The following ADGRB2 variants were observed in gnomAD, a reference collection of about 807,000 sequenced individuals.
The protein encoded by ADGRB2 is brain-specific angiogenesis inhibitor 2.
A neutral mutation model predicts 178.7 loss-of-function variants in ADGRB2; 47 were observed. The observed-to-expected ratio is 0.26, with a 90% confidence interval of 0.21 to 0.34. The LOEUF (loss-of-function observed/expected upper bound fraction) is 0.34. Among genes scored for constraint, ADGRB2 ranks in the 10% least tolerant of loss-of-function variants. ADGRB2 has a pLI of 1.00. For synonymous variants in ADGRB2, 870 were observed against 912.4 expected (o/e 0.95, Z 0.84); for missense variants, 1,584 against 2,180.8 (o/e 0.73, Z 5.45).
chr1:31,727,962 G>A lies in ADGRB2; in HGVS notation c.4572+63C>T, dbSNP rs1296781130. 6.7e-7 allele frequency: 1 copy of A among 1,501,352 alleles called. No individual in the cohort carries two copies. The highest frequency in any genetic ancestry group is 2.5e-5 in the East Asian group (1 of 40,542). The allele number at this position is 1,501,352 out of a possible 1,614,324, so 93.0% of individuals were successfully genotyped here. ...GGCTGGGGTTGCCTGGGAGGGGCAG[G>A]AGGGCAGGGAGGGCACGGGTCCCTC... is the stretch of plus-strand genomic sequence containing the variant. On this transcript the variant is annotated intron_variant, in intron 32 of 32. Coordinates refer to ENST00000373658, the MANE Select transcript of ADGRB2 (RefSeq NM_001364857.2). The surrounding 1 kb of genome is among the most constrained non-coding windows in gnomAD (Gnocchi z 4.4).
At position 31,727,386 on chromosome 1, in the gene ADGRB2, A is replaced by G; in HGVS notation, c.*34T>C. 6.4e-7 allele frequency: 1 copy of G among 1,558,482 alleles called. No homozygotes were observed. ...GGAGTGTGAAAATAGAGAGATATAT[A>G]TATTTATATGCAGTGGGCAGTCCAG... On this transcript the variant is annotated 3_prime_UTR_variant, in exon 33 of 33. Transcript: ENST00000373658. The surrounding 1 kb of genome is among the most constrained non-coding windows in gnomAD (Gnocchi z 4.4).
chr1:31,744,669 C>T lies in ADGRB2; in HGVS notation c.901G>A (p.Gly301Arg). ...TQWPRSADEP[G>R]LYMAQTGDPA... ...TTACCTGTCTGCGCCATGTATAGCC[C>T]AGGCTCATCTGCAGACCTCGGCCAC... The change falls in exon 5 of 33, where the codon GGG (glycine) becomes AGG (arginine). Residue 301 changes from glycine (G) to arginine (R), a missense_variant. Coordinates refer to ENST00000373658, the MANE Select transcript of ADGRB2 (RefSeq NM_001364857.2). The surrounding 1 kb of genome is among the most constrained non-coding windows in gnomAD (Gnocchi z 6.7). 1.9e-6 allele frequency: 3 copies of T among 1,614,228 alleles called. No homozygotes were observed. Among genetic ancestry groups the T allele is most frequent in the Non-Finnish European group, 2.5e-6 (3 of 1,180,018 alleles).
rs1477020586 is a variant in ADGRB2 at position 31,757,407 on chromosome 1, G to C, written c.-86C>G. 2.5e-6 allele frequency: 2 copies of C among 784,664 alleles called. No homozygotes were observed. The highest frequency in any genetic ancestry group is 2.1e-6 in the Non-Finnish European group (1 of 476,508). The allele number at this position is 784,664 out of a possible 1,614,324, so 48.6% of individuals were successfully genotyped here. On this transcript the variant is annotated 5_prime_UTR_variant, in exon 2 of 33. Transcript: ENST00000373658. ...TTGCTTTACTGAGAGGGAGAGAAAG[G>C]GGCGGAGTTACAGCCAGTGTGCCAG...
Position 31,727,757 on chromosome 1 carries a change from GT to G in ADGRB2, c.4573-153del. 1 of 967,624 alleles carries G rather than the reference GT, an allele frequency of 1.0e-6. No homozygotes were observed. The highest frequency in any genetic ancestry group is 1.5e-6 in the Non-Finnish European group (1 of 678,404). The allele number at this position is 967,624 out of a possible 1,614,324, so 59.9% of individuals were successfully genotyped here. On this transcript the variant is annotated intron_variant, in intron 32 of 32. Coordinates refer to ENST00000373658, the MANE Select transcript of ADGRB2 (RefSeq NM_001364857.2). This position sits in a 1 kb window ranked among gnomAD's most constrained non-coding sequence, Gnocchi z 4.4. ...CAGAATTCAAATACAGACCTGCCTG[GT>G]TCCAGGGTGGGGCTCCTGACCCCTG... is the stretch of plus-strand genomic sequence containing the variant.
intron 18 of ADGRB2, 39 bp from the exon 19 acceptor site, chr1:31,737,794 AG>A: frequency 2.5e-6 from 4 of 1,582,084 alleles, no homozygotes; most frequent in Non-Finnish European, 3.5e-6. Flanking sequence ...GGTTCCTGGG[AG>A]GGGGGAGCTG....
Position 31,744,378 on chromosome 1 carries a change from C to T in ADGRB2, c.923-21G>A, listed in dbSNP as rs1016667536. ...GTCGCCTACGAGAGAGGGACAGCGT[C>T]GGCGGCAGGGGGCACCTCCCAAGCA... On this transcript the variant is annotated intron_variant, in intron 5 of 32. Coordinates refer to ENST00000373658, the MANE Select transcript of ADGRB2 (RefSeq NM_001364857.2). This position sits in a 1 kb window ranked among gnomAD's most constrained non-coding sequence, Gnocchi z 6.7. The T allele has an allele frequency of 2.6e-5, 40 of 1,547,524 alleles. No individual in the cohort carries two copies. Among genetic ancestry groups the T allele is most frequent in the Non-Finnish European group, 3.1e-5 (36 of 1,146,292 alleles).
chr1:31,735,857 G>C lies in ADGRB2; in HGVS notation c.3237C>G (p.Ala1079=). The part of the protein sequence containing the change: ...WLSLEGGLLY[A]FVGPAAVIVL... ...CAATGACGGCTGCAGGGCCCACAAA[G>C]GCGTAGAGCAGGCCGCCCTCCAGGG... Residue 1079 remains alanine (A), a synonymous_variant, in exon 23 of 33, where the codon GCC becomes GCG. Coordinates refer to ENST00000373658, the MANE Select transcript of ADGRB2 (RefSeq NM_001364857.2). The surrounding 1 kb of genome is among the most constrained non-coding windows in gnomAD (Gnocchi z 6.0). 6.2e-7 allele frequency: 1 copy of C among 1,608,476 alleles called. No individual in the cohort carries two copies. Among genetic ancestry groups the C allele is most frequent in the Non-Finnish European group, 8.5e-7 (1 of 1,177,264 alleles).
In ADGRB2 at chr1:31,740,919, ACACACACT is replaced by A. The variant is rs1170271111; in HGVS notation, c.1795-386_1795-379del. 3.3e-5 allele frequency among the ~76,000 whole-genome samples: 5 copies of A among 151,044 alleles called. No individual in the cohort carries two copies. The highest frequency in any genetic ancestry group is 7.3e-5 in the African/African-American group (3 of 40,848). ...CGCACACACACACACACACACACAC[ACACACACT>A]GTCTTTCTCTCTCTCACTCTCTCTC... On this transcript the variant is annotated intron_variant, in intron 11 of 32. Coordinates refer to ENST00000373658, the MANE Select transcript of ADGRB2 (RefSeq NM_001364857.2). The surrounding 1 kb of genome is among the most constrained non-coding windows in gnomAD (Gnocchi z 5.9).
rs553664030 is a variant in ADGRB2, at chr1:31,755,291, G to A, written c.838+708C>T. 6.6e-6 allele frequency among the ~76,000 whole-genome samples: 1 copy of A among 152,298 alleles called. No homozygotes were observed. Among genetic ancestry groups the A allele is most frequent in the East Asian group, 1.9e-4 (1 of 5,174 alleles). On this transcript the variant is annotated intron_variant, in intron 4 of 32. Coordinates refer to ENST00000373658, the MANE Select transcript of ADGRB2 (RefSeq NM_001364857.2). The surrounding 1 kb of genome is among the most constrained non-coding windows in gnomAD (Gnocchi z 5.1). ...GCTGAGGGAGCTGGGGTGGGAGCGG[G>A]AGCAGGCAGGACTCAAGGGCTCGCA...
chr1:31,753,254 C>G lies in ADGRB2; in HGVS notation c.838+2745G>C, dbSNP rs1485729207. ...GCCTGCCTTTCTTTTCTTCCTTTTC[C>G]CCCACTTAACAGATTGCGGCAGCAA... On this transcript the variant is annotated intron_variant, in intron 4 of 32. Transcript: ENST00000373658. The surrounding 1 kb of genome is among the most constrained non-coding windows in gnomAD (Gnocchi z 4.1). Among the ~76,000 whole-genome samples, 1 of 152,170 alleles carries G rather than the reference C, an allele frequency of 6.6e-6. No individual in the cohort carries two copies. The highest frequency in any genetic ancestry group is 1.5e-5 in the Non-Finnish European group (1 of 68,028).
intron 4 of ADGRB2, among the ~76,000 whole-genome samples, chr1:31,752,680 A>G (rs1318932269): frequency 6.6e-6 from 1 of 152,140 alleles, no homozygotes; most frequent in Non-Finnish European, 1.5e-5. Context: ...GAAGGCTCAA[A>G]AGCAGGTGGT....
chr1:31,751,635 T>C (rs914626293), intron 4 of ADGRB2, among the ~76,000 whole-genome samples: 2 of 152,236 alleles, frequency 1.3e-5, no homozygotes. Flanking sequence ...TTTGGTTATC[T>C]TCTATTTCAG....
At chr1:31,763,148 G>C (rs1647094571) in intron 1 of ADGRB2, among the ~76,000 whole-genome samples, 1 of 152,276 alleles carries the variant, frequency 6.6e-6, no homozygotes, top group East Asian at 1.9e-4. Context: ...AGATGGACAC[G>C]GGAGTCAGGG....
In ADGRB2 at chr1:31,756,626, T is replaced by C; in HGVS notation, c.211A>G (p.Asn71Asp). ...AGGGAGTACTTGGTGGGGTCAGGGT[T>C]CTCCAGGGTCCAGGAGCAGCCCGAG... ...IASGCSWTLE[N>D]PDPTKYSLYL... The change falls in exon 4 of 33, where the codon AAC becomes GAC. Residue 71 changes from asparagine to aspartate, a missense_variant. By Grantham distance (23) the Asn-to-Asp change is conservative. Transcript: ENST00000373658. This position sits in a 1 kb window ranked among gnomAD's most constrained non-coding sequence, Gnocchi z 8.5. 4 of 1,607,156 alleles carry C rather than the reference T, an allele frequency of 2.5e-6. No homozygotes were observed. The highest frequency in any genetic ancestry group is 3.4e-6 in the Non-Finnish European group (4 of 1,176,260).
chr1:31,739,567 G>T lies in ADGRB2; in HGVS notation c.2236C>A (p.Arg746=), dbSNP rs1241489364. ...TGCCGCACCCAGTCCTTCATGCCCCGGCGGCCCCGCATGGGGAACGTGATG... is the reference window on the plus strand; with the variant it reads ...TGCCGCACCCAGTCCTTCATGCCCCTGCGGCCCCGCATGGGGAACGTGATG... The part of the protein sequence containing the change: ...SDITFPMRGR[R]GMKDWVRHSE... Residue 746 remains arginine, a synonymous_variant, in exon 15 of 33, where the codon CGG becomes AGG. Transcript: ENST00000373658. 3.1e-6 allele frequency: 5 copies of T among 1,612,000 alleles called. No homozygotes were observed. Among genetic ancestry groups the T allele is most frequent in the Non-Finnish European group, 3.4e-6 (4 of 1,179,324 alleles).
rs1645615996 is a variant in ADGRB2, at chr1:31,736,516, C to G, written c.3130+57G>C. ...GGGCCAGGGCCAAAGCTGAACCTCT[C>G]TTGCTGCCCCTGCCCACCAAGGCCC... On this transcript the variant is annotated intron_variant, in intron 21 of 32. Transcript: ENST00000373658. The G allele has an allele frequency of 9.4e-6, 15 of 1,599,912 alleles. No individual in the cohort carries two copies. The South Asian group carries it at 1.6e-4, about 17-fold the overall frequency.
chr1:31,738,995 C>A (rs1645787566), intron 15 of ADGRB2, 58 bp from the exon 16 acceptor site: 4 of 1,464,672 alleles, frequency 2.7e-6, no homozygotes, highest in Non-Finnish European at 3.8e-6. Context: ...CAGTCAGAAA[C>A]CCTGAAGCCG....
Position 31,752,244 on chromosome 1 carries a change from T to A in ADGRB2, c.838+3755A>T, listed in dbSNP as rs1018151908. ...TCTGATAAAGACATGAAGATGTGTG[T>A]GAGGGATTGGCTGGAACTCAGTCCC... On this transcript the variant is annotated intron_variant, in intron 4 of 32. Transcript: ENST00000373658. Among the ~76,000 whole-genome samples, 4 of 152,150 alleles carry A rather than the reference T, an allele frequency of 2.6e-5. No individual in the cohort carries two copies. The South Asian group carries it at 8.3e-4, about 32-fold the overall frequency.
chr1:31,754,691 T>A lies in ADGRB2; in HGVS notation c.838+1308A>T, dbSNP rs896731885. On this transcript the variant is annotated intron_variant, in intron 4 of 32. Transcript: ENST00000373658. This position sits in a 1 kb window ranked among gnomAD's most constrained non-coding sequence, Gnocchi z 5.7. ...ATGGGCACGATGTCAGATGTCTCAT[T>A]GGAGAAGCCAAGAAGGCCCCCATCG... Among the ~76,000 whole-genome samples, 2 of 152,210 alleles carry A rather than the reference T, an allele frequency of 1.3e-5. No individual in the cohort carries two copies. Among genetic ancestry groups the A allele is most frequent in the Admixed American group, 1.3e-4 (2 of 15,286 alleles).
Sources: gnomAD v4.1 joint callset for allele counts (sites outside exome capture counted in the v4.1 genomes callset) on GRCh38, gnomAD v4.1.1 for gene constraint, Gnocchi (gnomAD v3.1) non-coding constraint, MANE v1.5 for transcripts, NCBI Gene and HGNC (gene_info 2026-07-23, HGNC 2026-07-21) for gene names.